INTU: variants seen among roughly 807,000 people sequenced by gnomAD.
INTU encodes the protein inturned planar cell polarity protein, also known as protein inturned.
In INTU, 68 loss-of-function variants were observed where a neutral mutation model predicts 100.5. The observed-to-expected ratio is 0.68, with a 90% CI of 0.56 to 0.83. The LOEUF (loss-of-function observed/expected upper bound fraction) is 0.83, where lower values mean the gene tolerates loss of function less well. INTU is among the 40% of genes least tolerant of loss of function. The pLI is 0.00. For synonymous variants in INTU, 357 were observed against 395.7 expected (o/e 0.90, Z 1.16); for missense variants, 1,071 against 1,114.7 (o/e 0.96, Z 0.56).
chr4:127,721,645 T>A lies in INTU; in HGVS notation c.*5209T>A, dbSNP rs1731347357. ...CAGTCTTTTAACATAATCCCATAGTTCTCAGAGGTTTCATTCATTCCTTTT... is the reference window on the plus strand; with the variant it reads ...CAGTCTTTTAACATAATCCCATAGTACTCAGAGGTTTCATTCATTCCTTTT... On this transcript the variant is annotated 3_prime_UTR_variant, in exon 16 of 16. Coordinates refer to ENST00000335251, the MANE Select transcript of INTU (RefSeq NM_015693.4). The A allele has an allele frequency of 6.6e-6, 1 of 152,224 alleles. No homozygotes were observed. 9.4% of individuals were successfully genotyped at this position (152,224 alleles called of 1,614,324 possible).
intron 1 of INTU, among the ~76,000 whole-genome samples, chr4:127,635,589 C>T (rs2126169469): frequency 6.6e-6 from 1 of 152,296 alleles, no homozygotes; most frequent in Middle Eastern, 3.4e-3. Flanking sequence ...TAAGGAACTT[C>T]CACCTAAAAC....
At chr4:127,670,559 G>A (rs1011353230) in intron 5 of INTU, among the ~76,000 whole-genome samples, 2 of 151,774 alleles carry the variant, frequency 1.3e-5, no homozygotes, top group Non-Finnish European at 3.0e-5. Context: ...TCTTTATTGA[G>A]ATATAGTACA....
At chr4:127,699,213 A>G (rs914423852) in intron 8 of INTU, 14 of 152,348 alleles carry the variant, frequency 9.2e-5, no homozygotes, top group African/African-American at 3.4e-4. Flanking sequence ...ATGCCACACA[A>G]TTCAATTGCC....
At chr4:127,714,306 ACAC>A (rs1421144381) in intron 15 of INTU, among the ~76,000 whole-genome samples, 1 of 140,390 alleles carries the variant, frequency 7.1e-6, no homozygotes, top group African/African-American at 3.3e-5. Context: ...TTTCAGTAAT[ACAC>A]TGAAAGAATA....
chr4:127,699,983 G>A (rs1451476953), intron 8 of INTU, 27 bp from the exon 9 acceptor site: 2 of 1,512,742 alleles, frequency 1.3e-6, no homozygotes, highest in Admixed American at 2.1e-5. Context: ...AAATGTTTAT[G>A]TTACTCTTTT....
chr4:127,655,510 G>A (rs1019719169), intron 2 of INTU, among the ~76,000 whole-genome samples: 2 of 151,486 alleles, frequency 1.3e-5, no homozygotes, highest in Non-Finnish European at 2.9e-5. Context: ...CCCCTGCTGG[G>A]GGGTGCCTCC....
chr4:127,633,067 G>C lies in INTU; in HGVS notation c.33G>C (p.Pro11=). 3 of 1,613,766 alleles carry C rather than the reference G, an allele frequency of 1.9e-6. No individual in the cohort carries two copies. The highest frequency in any genetic ancestry group is 2.5e-6 in the Non-Finnish European group (3 of 1,179,700). Residue 11 remains proline, a synonymous_variant, in exon 1 of 16, where the codon CCG becomes CCC. Transcript: ENST00000335251. MASVASCDSR[P]SSDELPGDPS... ...CTGTGGCTTCGTGCGATTCGCGTCC[G>C]AGCTCAGACGAGCTCCCTGGAGACC...
At chr4:127,680,023 T>C (rs1048180566) in intron 6 of INTU, among the ~76,000 whole-genome samples, 18 of 152,034 alleles carry the variant, frequency 1.2e-4, no homozygotes, top group Admixed American at 7.2e-4. Flanking sequence ...ATAAATTCCT[T>C]GACACATACA....
intron 2 of INTU, among the ~76,000 whole-genome samples, chr4:127,655,137 A>G (rs952671479): frequency 5.3e-5 from 8 of 151,948 alleles, no homozygotes. Context: ...AATTTTTTTC[A>G]AAGTTTTCAA....
chr4:127,698,544 A>G (rs922976603), intron 8 of INTU, among the ~76,000 whole-genome samples: 1 of 151,738 alleles, frequency 6.6e-6, no homozygotes, highest in African/African-American at 2.4e-5. Context: ...GTTTATTTTT[A>G]AAAACAAACT....
chr4:127,695,868 C>T (rs1730359377), intron 8 of INTU, among the ~76,000 whole-genome samples: 1 of 152,090 alleles, frequency 6.6e-6, no homozygotes, highest in African/African-American at 2.4e-5. Flanking sequence ...AAGTTTCCCT[C>T]TATTCCTAGT....
intron 4 of INTU, among the ~76,000 whole-genome samples, chr4:127,665,223 A>G (rs1728644317): frequency 6.7e-6 from 1 of 149,100 alleles, no homozygotes; most frequent in Non-Finnish European, 1.5e-5. Context: ...TAAATTAAGT[A>G]TATATTATAC....
intron 2 of INTU, among the ~76,000 whole-genome samples, chr4:127,655,508 G>C (rs6854119): frequency 6.7e-6 from 1 of 149,524 alleles, no homozygotes; most frequent in East Asian, 1.9e-4. Flanking sequence ...TTCCCCTGCT[G>C]GGGGGTGCCT....
At chr4:127,640,555 A>ATATATATG (rs1217050148) in intron 1 of INTU, among the ~76,000 whole-genome samples, 1 of 43,846 alleles carries the variant, frequency 2.3e-5, no homozygotes, top group East Asian at 8.3e-4. Context: ...ATATATATAT[A>ATATATATG]TATATATATA....
At chr4:127,688,772 G>A (rs951060256) in intron 8 of INTU, among the ~76,000 whole-genome samples, 11 of 152,104 alleles carry the variant, frequency 7.2e-5, no homozygotes, top group South Asian at 4.2e-4. Context: ...AATTGTGCCC[G>A]GCACATTGTA....
Position 127,669,084 on chromosome 4 carries a change from A to C in INTU, c.1021A>C (p.Lys341Gln), listed in dbSNP as rs753327709. The change falls in exon 5 of 16, where the codon AAA becomes CAA. Residue 341 changes from lysine (K) to glutamine (Q), a missense_variant. Transcript: ENST00000335251. ...YPMSEASQKLKSVRGIFLTLC... is the reference protein window; with the variant it reads ...YPMSEASQKLQSVRGIFLTLC... ...AATGTCTGAAGCATCTCAGAAACTT[A>C]AAAGTGTGAGAGGGATTTTTCTCAC... 1 of 1,549,426 alleles carries C rather than the reference A, an allele frequency of 6.5e-7. No individual in the cohort carries two copies. The highest frequency in any genetic ancestry group is 1.2e-5 in the South Asian group (1 of 81,938).
At chr4:127,658,368 A>G (rs2126195464) in intron 3 of INTU, among the ~76,000 whole-genome samples, 1 of 152,292 alleles carries the variant, frequency 6.6e-6, no homozygotes. Flanking sequence ...AATCAGGGGG[A>G]CATCAGCCAG....
chr4:127,645,723 A>C (rs1352249917), intron 2 of INTU, among the ~76,000 whole-genome samples: 1 of 151,560 alleles, frequency 6.6e-6, no homozygotes, highest in African/African-American at 2.4e-5. Flanking sequence ...ACCATGCCTG[A>C]CTAATTTTTT....
intron 7 of INTU, 61 bp from the exon 8 acceptor site, chr4:127,687,617 C>A: frequency 7.4e-7 from 1 of 1,343,218 alleles, no homozygotes; most frequent in Non-Finnish European, 1.0e-6. Flanking sequence ...CCCTTAGGAG[C>A]ACACAAAAAA....
Sources: allele counts gnomAD v4.1 joint callset (sites outside exome capture counted in the v4.1 genomes callset), GRCh38; gene constraint gnomAD v4.1.1; transcripts MANE v1.5; gene names NCBI Gene and HGNC (gene_info 2026-07-23, HGNC 2026-07-21).